The following MROH9 variants were observed in gnomAD, a reference collection of about 807,000 sequenced individuals.
MROH9 encodes the protein maestro heat-like repeat-containing protein family member 9.
In MROH9, 92 loss-of-function variants were observed where a neutral mutation model predicts 98.2. The ratio of observed to expected loss-of-function variants is 0.94; its 90% CI spans 0.79 to 1.11. The LOEUF (loss-of-function observed/expected upper bound fraction) is 1.11, where lower values mean the gene tolerates loss of function less well. MROH9 is among the 50% of genes most tolerant of loss of function. The pLI is 0.00. For synonymous variants in MROH9, 397 were observed against 368.9 expected, an observed-to-expected ratio of 1.08 and a Z score of -0.87; for missense variants, 1,057 against 1,014.8, an observed-to-expected ratio of 1.04 and a Z score of -0.57.
intron 17 of MROH9, among the ~76,000 whole-genome samples, chr1:171,019,243 A>G (rs533789603): frequency 6.6e-6 from 1 of 152,260 alleles, no homozygotes; most frequent in Admixed American, 6.5e-5. Flanking sequence ...TTAAGGCAGA[A>G]ATCAAGAAGT....
At chr1:171,006,196 A>G (rs1487856274) in intron 15 of MROH9, among the ~76,000 whole-genome samples, 1 of 151,472 alleles carries the variant, frequency 6.6e-6, no homozygotes, top group Non-Finnish European at 1.5e-5. Context: ...TTTGTCAGGT[A>G]TAGTATTCTT....
intron 13 of MROH9, 65 bp downstream of exon 13, chr1:170,995,596 C>T: frequency 1.3e-6 from 2 of 1,564,064 alleles, no homozygotes; most frequent in Non-Finnish European, 8.7e-7. Flanking sequence ...ATACTTCTAC[C>T]CTCTTGGGTT....
rs768602382 is a variant in MROH9, at chr1:170,948,719, T to C, written c.72+1146T>C. On this transcript the variant is annotated intron_variant, in intron 3 of 21. Coordinates refer to ENST00000367759, the MANE Select transcript of MROH9 (RefSeq NM_001163629.2). ...TGAAGAAGTTACAATATTCAGGAAA[T>C]GATAGAAGTATATTTGGAGGGACAT... is the stretch of plus-strand genomic sequence containing the variant. Among the ~76,000 whole-genome samples the C allele has an allele frequency of 7.3e-4, 111 of 151,990 alleles. 2 individuals carry two copies. The highest frequency in any genetic ancestry group is 2.1e-4 in the Non-Finnish European group (14 of 67,964).
chr1:170,974,816 T>C (rs1458955868), intron 8 of MROH9, among the ~76,000 whole-genome samples: 1 of 151,918 alleles, frequency 6.6e-6, no homozygotes, highest in African/African-American at 2.4e-5. Context: ...TCTTTAAAGA[T>C]AATAACAAAA....
intron 3 of MROH9, among the ~76,000 whole-genome samples, chr1:170,949,875 C>T (rs1353633284): frequency 1.3e-5 from 2 of 151,882 alleles, no homozygotes; most frequent in African/African-American, 4.8e-5. Flanking sequence ...GATACAAAGA[C>T]AAGGAAGATG....
At chr1:170,979,582 T>C (rs1650848644) in intron 8 of MROH9, among the ~76,000 whole-genome samples, 1 of 152,164 alleles carries the variant, frequency 6.6e-6, no homozygotes, top group Non-Finnish European at 1.5e-5. Flanking sequence ...CAAAGAAATT[T>C]TGGGGGCCTT....
chr1:171,045,553 G>C (rs1052655737), intron 20 of MROH9, among the ~76,000 whole-genome samples: 1 of 151,920 alleles, frequency 6.6e-6, no homozygotes, highest in South Asian at 2.1e-4. Flanking sequence ...TTGACCCACT[G>C]GTCATTTGGA....
chr1:170,944,217 C>T (rs1649232944), intron 1 of MROH9, among the ~76,000 whole-genome samples: 1 of 151,860 alleles, frequency 6.6e-6, no homozygotes, highest in African/African-American at 2.4e-5. Context: ...TGGGAATCAA[C>T]AGGTTCTGTC....
intron 20 of MROH9, among the ~76,000 whole-genome samples, chr1:171,037,595 A>G (rs1653145297): frequency 6.6e-6 from 1 of 152,022 alleles, no homozygotes; most frequent in Admixed American, 6.6e-5. Context: ...ATTTTCTTCA[A>G]CATTGCTTGC....
chr1:170,986,496 G>C, intron 9 of MROH9, 65 bp from the exon 10 acceptor site: 1 of 1,530,628 alleles, frequency 6.5e-7, no homozygotes, highest in Middle Eastern at 1.8e-4. Context: ...CACCATGTCT[G>C]AGTTTAGCTG....
At chr1:171,062,603 A>G (rs1310526508) in intron 21 of MROH9, among the ~76,000 whole-genome samples, 1 of 152,256 alleles carries the variant, frequency 6.6e-6, no homozygotes, top group Non-Finnish European at 1.5e-5. Flanking sequence ...CTTCCCTCAG[A>G]GAATTCACAT....
intron 21 of MROH9, among the ~76,000 whole-genome samples, chr1:171,062,687 G>A (rs1012139073): frequency 6.6e-6 from 1 of 152,216 alleles, no homozygotes; most frequent in Non-Finnish European, 1.5e-5. Flanking sequence ...CTATCAAAAT[G>A]TTTGGGTCTT....
chr1:171,023,679 A>G (rs1462906801), intron 17 of MROH9, among the ~76,000 whole-genome samples: 3 of 152,222 alleles, frequency 2.0e-5, no homozygotes, highest in Admixed American at 1.3e-4. Flanking sequence ...GTTTTGATAT[A>G]GGTATACATT....
intron 3 of MROH9, among the ~76,000 whole-genome samples, chr1:170,957,957 C>A (rs1186472546): frequency 1.3e-5 from 2 of 152,126 alleles, no homozygotes; most frequent in South Asian, 4.2e-4. Flanking sequence ...TACAGGCGCC[C>A]GCTACCACGC....
At chr1:171,003,788 T>G (rs1378011555) in intron 15 of MROH9, among the ~76,000 whole-genome samples, 1 of 151,984 alleles carries the variant, frequency 6.6e-6, no homozygotes, top group African/African-American at 2.4e-5. Context: ...TGGTGGTGGG[T>G]AGGACCCTAG....
At chr1:170,952,321 T>G (rs1302945404) in intron 3 of MROH9, among the ~76,000 whole-genome samples, 1 of 152,120 alleles carries the variant, frequency 6.6e-6, no homozygotes, top group Non-Finnish European at 1.5e-5. Flanking sequence ...TGTGGCACTA[T>G]TCACAATAGC....
chr1:170,959,007 A>G (rs1649901234), intron 4 of MROH9, among the ~76,000 whole-genome samples: 1 of 152,160 alleles, frequency 6.6e-6, no homozygotes, highest in East Asian at 1.9e-4. Flanking sequence ...CAACATTATT[A>G]TCATTTTTAA....
intron 20 of MROH9, among the ~76,000 whole-genome samples, chr1:171,031,727 A>G (rs75717239): frequency 0.02 from 3,101 of 152,096 alleles, 74 homozygotes; most frequent in South Asian, 0.055. Context: ...CTTCATTTCA[A>G]GCTTGGATAA....
Position 171,002,033 on chromosome 1 carries a change from T to C in MROH9, c.1596+3759T>C, listed in dbSNP as rs538244773. Among the ~76,000 whole-genome samples the C allele has an allele frequency of 9.8e-5, 15 of 152,356 alleles. No homozygotes were observed. The South Asian group carries it at 3.1e-3, about 32-fold the overall frequency. The stretch of plus-strand genomic sequence containing the variant: ...TTTTAACCACTGTTGCTTTAAAGTT[T>C]ATTTTGTCTGATATAAGAATAGCTA... On this transcript the variant is annotated intron_variant, in intron 15 of 21. Transcript: ENST00000367759.
Sources: allele counts gnomAD v4.1 joint callset (sites outside exome capture counted in the v4.1 genomes callset), GRCh38; gene constraint gnomAD v4.1.1; transcripts MANE v1.5; gene names NCBI Gene and HGNC (gene_info 2026-07-23, HGNC 2026-07-21).